NKAIN2: variants seen among roughly 807,000 people sequenced by gnomAD.
NKAIN2 encodes sodium/potassium-transporting ATPase subunit beta-1-interacting protein 2.
NKAIN2 carries 14 observed loss-of-function variants against 32.6 expected under a neutral mutation model. The observed-to-expected ratio is 0.43, with a 90% CI of 0.28 to 0.67. The LOEUF (loss-of-function observed/expected upper bound fraction) is 0.67. NKAIN2 is among the 30% of genes least tolerant of loss of function. The pLI is 0.17. For missense variants in NKAIN2, 198 were observed against 258.3 expected (o/e 0.77, Z 1.60); for synonymous variants, 80 against 87.2 (o/e 0.92, Z 0.46).
chr6:123,994,675 A>G (rs1779544824), intron 1 of NKAIN2, among the ~76,000 whole-genome samples: 1 of 152,098 alleles, frequency 6.6e-6, no homozygotes, highest in Non-Finnish European at 1.5e-5. Flanking sequence ...CCTCTTCCTC[A>G]TAGTATCTGC....
intron 1 of NKAIN2, among the ~76,000 whole-genome samples, chr6:124,002,784 C>A (rs138562886): frequency 1.3e-5 from 2 of 152,288 alleles, no homozygotes; most frequent in African/African-American, 4.8e-5. Flanking sequence ...ACAACCCTTG[C>A]AGTATTATAC....
chr6:124,225,024 T>TA (rs1326811468), intron 1 of NKAIN2, among the ~76,000 whole-genome samples: 1 of 152,042 alleles, frequency 6.6e-6, no homozygotes, highest in African/African-American at 2.4e-5. Context: ...TTAAGATACA[T>TA]ATCCTGTAGC....
intron 4 of NKAIN2, among the ~76,000 whole-genome samples, chr6:124,765,397 G>A (rs1179330227): frequency 6.6e-6 from 1 of 152,174 alleles, no homozygotes; most frequent in Non-Finnish European, 1.5e-5. Flanking sequence ...GGAAATGTGT[G>A]TTTTGCTCTT....
intron 3 of NKAIN2, among the ~76,000 whole-genome samples, chr6:124,634,498 A>G (rs1783697191): frequency 6.6e-6 from 1 of 152,132 alleles, no homozygotes; most frequent in Non-Finnish European, 1.5e-5. Flanking sequence ...AGATCAAGCA[A>G]TGAAGGAATT....
At chr6:123,919,380 T>C (rs143641124) in intron 1 of NKAIN2, among the ~76,000 whole-genome samples, 42 of 152,216 alleles carry the variant, frequency 2.8e-4, no homozygotes, top group African/African-American at 7.9e-4. Context: ...AAAAACTGCA[T>C]ATATTATTCT....
chr6:124,728,091 T>G (rs1216105599), intron 4 of NKAIN2, among the ~76,000 whole-genome samples: 1 of 149,314 alleles, frequency 6.7e-6, no homozygotes, highest in Admixed American at 6.7e-5. Flanking sequence ...AGACTTAGAC[T>G]CCCACACATT....
chr6:124,318,629 A>C (rs1299568793), intron 2 of NKAIN2, among the ~76,000 whole-genome samples: 1 of 151,998 alleles, frequency 6.6e-6, no homozygotes, highest in Non-Finnish European at 1.5e-5. Flanking sequence ...TTTGTCTTAA[A>C]TCTCCTCAGT....
At chr6:124,498,028 C>G (rs1778133412) in intron 3 of NKAIN2, among the ~76,000 whole-genome samples, 1 of 151,992 alleles carries the variant, frequency 6.6e-6, no homozygotes, top group African/African-American at 2.4e-5. Context: ...TACCAAATGC[C>G]CAAATCAACC....
intron 1 of NKAIN2, among the ~76,000 whole-genome samples, chr6:124,242,339 A>G (rs1346720687): frequency 6.6e-6 from 1 of 152,198 alleles, no homozygotes; most frequent in Admixed American, 6.5e-5. Flanking sequence ...CAAAACCCCA[A>G]TGAGATACCA....
At chr6:124,008,137 G>A (rs776618387) in intron 1 of NKAIN2, among the ~76,000 whole-genome samples, 18 of 152,260 alleles carry the variant, frequency 1.2e-4, no homozygotes, top group Non-Finnish European at 1.9e-4. Flanking sequence ...AGAATACTAG[G>A]TTTTGTTGTT....
rs914268676 is a variant in NKAIN2, at chr6:124,512,434, A to G, written c.274-145752A>G. Among the ~76,000 whole-genome samples, 4 of 152,228 alleles carry G rather than the reference A, an allele frequency of 2.6e-5. No homozygotes were observed. In the South Asian group the frequency reaches 8.3e-4, roughly 32 times the overall value. ...AAGGAGGAAGGAAAAAGACCCATAT[A>G]CATTTATATTGAATGATACACAGTT... On this transcript the variant is annotated intron_variant, in intron 3 of 6. Coordinates refer to ENST00000368417, the MANE Select transcript of NKAIN2 (RefSeq NM_001040214.3).
intron 3 of NKAIN2, among the ~76,000 whole-genome samples, chr6:124,516,282 T>G (rs1778910730): frequency 6.6e-6 from 1 of 152,148 alleles, no homozygotes. Context: ...AAGGCAACAT[T>G]TCCATCGAAA....
Position 124,553,828 on chromosome 6 carries a change from G to T in NKAIN2, c.274-104358G>T, listed in dbSNP as rs575061879. ...TTCAGCAAACATTGTTTTCCTGGGG[G>T]TTGTTTGAGGAAGGGAACATATCTT... On this transcript the variant is annotated intron_variant, in intron 3 of 6. Transcript: ENST00000368417. Among the ~76,000 whole-genome samples the T allele has an allele frequency of 9.9e-5, 15 of 152,278 alleles. No individual in the cohort carries two copies. In the East Asian group the frequency reaches 1.9e-3, roughly 20 times the overall value.
chr6:124,780,584 A>G (rs1779217867), intron 4 of NKAIN2, among the ~76,000 whole-genome samples: 1 of 152,232 alleles, frequency 6.6e-6, no homozygotes, highest in Non-Finnish European at 1.5e-5. Flanking sequence ...GGGAGCCACA[A>G]GTGTTGGGGC....
At chr6:123,985,235 CTAAAAACACG>C (rs1416247499) in intron 1 of NKAIN2, among the ~76,000 whole-genome samples, 1 of 152,086 alleles carries the variant, frequency 6.6e-6, no homozygotes, top group Non-Finnish European at 1.5e-5. Context: ...CCCGTTTCTA[CTAAAAACACG>C]TAAAATTAGT....
At chr6:123,930,336 A>G (rs1776198124) in intron 1 of NKAIN2, among the ~76,000 whole-genome samples, 2 of 152,300 alleles carry the variant, frequency 1.3e-5, no homozygotes, top group Middle Eastern at 3.4e-3. Context: ...TTCAGATTAC[A>G]TAATTATTTA....
At chr6:124,822,893 T>C (rs942125959) in intron 6 of NKAIN2, among the ~76,000 whole-genome samples, 2 of 152,114 alleles carry the variant, frequency 1.3e-5, no homozygotes, top group African/African-American at 2.4e-5. Context: ...CTGATTGGGC[T>C]TCCAGCAATA....
At chr6:124,038,492 C>T (rs1038798894) in intron 1 of NKAIN2, among the ~76,000 whole-genome samples, 3 of 152,052 alleles carry the variant, frequency 2.0e-5, no homozygotes, top group Non-Finnish European at 4.4e-5. Flanking sequence ...GGATTACAGG[C>T]GTGAGCCACT....
intron 3 of NKAIN2, among the ~76,000 whole-genome samples, chr6:124,632,182 T>C (rs969460550): frequency 3.9e-5 from 6 of 152,208 alleles, no homozygotes; most frequent in African/African-American, 1.4e-4. Context: ...TTAAAATTAT[T>C]AAGGTAATTC....
Sources: gnomAD v4.1 joint callset for allele counts (sites outside exome capture counted in the v4.1 genomes callset) on GRCh38, gnomAD v4.1.1 for gene constraint, MANE v1.5 for transcripts, NCBI Gene and HGNC (gene_info 2026-07-23, HGNC 2026-07-21) for gene names.